PIK3R4: variants seen among roughly 807,000 people sequenced by gnomAD.
PIK3R4 encodes the protein phosphoinositide 3-kinase regulatory subunit 4.
PIK3R4 carries 46 observed loss-of-function variants against 136.5 expected under a neutral mutation model. That is an observed-to-expected ratio of 0.34 (90% confidence interval 0.27 to 0.43). The LOEUF is 0.43. Ranked by LOEUF, PIK3R4 falls within the 20% of genes least tolerant of loss-of-function variation. The probability of loss-of-function intolerance (pLI) is 1.00; values close to 1 mark genes in which losing one functional copy is unlikely to be tolerated. For synonymous variants in PIK3R4, 557 were observed against 566.7 expected, an observed-to-expected ratio of 0.98 and a Z score of 0.24; for missense variants, 1,331 against 1,649.5, an observed-to-expected ratio of 0.81 and a Z score of 3.35.
At chr3:130,685,630 G>C (rs1357020960) in intron 15 of PIK3R4, among the ~76,000 whole-genome samples, 2 of 152,172 alleles carry the variant, frequency 1.3e-5, no homozygotes, top group Non-Finnish European at 2.9e-5. Context: ...TTAAAATCCT[G>C]CTTAAGCAAG....
Position 130,730,380 on chromosome 3 carries a change from G to T in PIK3R4, c.1513C>A (p.Leu505Ile). ...TTATTGGGGTCATTTTCCATATTAA[G>T]ATTTTTTAACTGTACTAATTCCAGG... is the stretch of plus-strand genomic sequence containing the variant. The part of the protein sequence containing the change: ...RFLELVQLKN[L>I]NMENDPNNEE... The change falls in exon 5 of 20, where the codon CTT (leucine) becomes ATT (isoleucine). Residue 505 changes from leucine (L) to isoleucine (I), a missense_variant. Physicochemically the swap from Leu to Ile is conservative, Grantham distance 5. Coordinates refer to ENST00000356763, the MANE Select transcript of PIK3R4 (RefSeq NM_014602.3). 6.2e-7 allele frequency: 1 copy of T among 1,601,146 alleles called. No homozygotes were observed. Among genetic ancestry groups the T allele is most frequent in the South Asian group, 1.1e-5 (1 of 89,202 alleles).
chr3:130,688,398 A>G lies in PIK3R4; in HGVS notation c.3264-1976T>C, dbSNP rs561062219. 2.0e-5 allele frequency among the ~76,000 whole-genome samples: 3 copies of G among 152,264 alleles called. No homozygotes were observed. The East Asian group carries it at 5.8e-4, about 29-fold the overall frequency. ...AATTCAAAAACTGTTTTCCAAAGTT[A>G]CTCCTTTATTCGCCATGCCCTTCAA... is the stretch of plus-strand genomic sequence containing the variant. On this transcript the variant is annotated intron_variant, in intron 14 of 19. Transcript: ENST00000356763.
rs1284514111 is a variant in PIK3R4, at chr3:130,745,120, C to A, written c.99G>T (p.Gly33=). 3 of 1,613,616 alleles carry A rather than the reference C, an allele frequency of 1.9e-6. No homozygotes were observed. Among genetic ancestry groups the A allele is most frequent in the Non-Finnish European group, 2.5e-6 (3 of 1,180,000 alleles). Residue 33 remains glycine (G), a synonymous_variant, in exon 2 of 20, where the codon GGG becomes GGT. Coordinates refer to ENST00000356763, the MANE Select transcript of PIK3R4 (RefSeq NM_014602.3). ...IHDFEYDKSL[G]STRFFKVARA... ...GAGCAACTTTAAAAAACCGAGTACT[C>A]CCCAGGCTTTTATCATATTCAAAGT... is the stretch of plus-strand genomic sequence containing the variant.
chr3:130,743,295 T>G (rs1392647914), intron 2 of PIK3R4, among the ~76,000 whole-genome samples: 1 of 151,008 alleles, frequency 6.6e-6, no homozygotes, highest in African/African-American at 2.4e-5. Context: ...GGTGCACGCC[T>G]GCAGTCCCGG....
intron 3 of PIK3R4, 144 bp downstream of exon 3, chr3:130,735,725 G>C (rs1203991451): frequency 1.7e-6 from 1 of 603,970 alleles, no homozygotes; most frequent in Admixed American, 3.6e-5. Flanking sequence ...CCCTAACAAA[G>C]TAATAACAAA....
chr3:130,708,078 G>A (rs568321354), intron 10 of PIK3R4, among the ~76,000 whole-genome samples: 1 of 152,254 alleles, frequency 6.6e-6, no homozygotes, highest in South Asian at 2.1e-4. Context: ...GTCACATACA[G>A]AGCTGTGATT....
At chr3:130,742,034 A>G (rs1576465493) in intron 2 of PIK3R4, among the ~76,000 whole-genome samples, 1 of 152,204 alleles carries the variant, frequency 6.6e-6, no homozygotes, top group East Asian at 1.9e-4. Context: ...GACCTGCTTT[A>G]CACTGTTTCA....
Position 130,716,532 on chromosome 3 carries a change from G to A in PIK3R4, c.2195C>T (p.Ala732Val). ...GCTAGTAATATCTTTAGACCTCAAA[G>A]CATAATCAAATATAGAACGACTTAC... is the stretch of plus-strand genomic sequence containing the variant. ...EPVSRSIFDY[A>V]LRSKDITSLF... The change falls in exon 9 of 20, where the codon GCT becomes GTT. Residue 732 changes from alanine to valine, a missense_variant. Physicochemically the swap from Ala to Val is moderately conservative, Grantham distance 64. Transcript: ENST00000356763. The A allele has an allele frequency of 4.3e-6, 7 of 1,613,712 alleles. No individual in the cohort carries two copies. Among genetic ancestry groups the A allele is most frequent in the Non-Finnish European group, 5.9e-6 (7 of 1,179,650 alleles).
intron 19 of PIK3R4, among the ~76,000 whole-genome samples, chr3:130,679,919 T>A (rs549017712): frequency 6.6e-6 from 1 of 151,944 alleles, no homozygotes; most frequent in African/African-American, 2.4e-5. Context: ...CTACTAAAAA[T>A]ACAAAAATTA....
At position 130,723,489 on chromosome 3, in the gene PIK3R4, G is replaced by C; in HGVS notation, c.1906C>G (p.Leu636Val). ...DAEEFVIVKA[L>V]YALTCMCQLG... ...TGGCACATACAAGTAAGGGCATAAA[G>C]AGCTTTCACAATGACAAATTCCTCA... The change falls in exon 7 of 20, where the codon CTT becomes GTT. Residue 636 changes from leucine to valine, a missense_variant. By Grantham distance (32) the Leu-to-Val change is conservative. Coordinates refer to ENST00000356763, the MANE Select transcript of PIK3R4 (RefSeq NM_014602.3). 1 of 1,614,054 alleles carries C rather than the reference G, an allele frequency of 6.2e-7. No individual in the cohort carries two copies. Among genetic ancestry groups the C allele is most frequent in the Non-Finnish European group, 8.5e-7 (1 of 1,179,984 alleles).
At chr3:130,679,532 C>A (rs1221555834) in intron 19 of PIK3R4, 47 bp from the exon 20 acceptor site, 2 of 1,375,914 alleles carry the variant, frequency 1.5e-6, no homozygotes, top group Non-Finnish European at 2.0e-6. Context: ...AAAGTCTGTA[C>A]CACATTTTTC....
intron 13 of PIK3R4, among the ~76,000 whole-genome samples, chr3:130,697,086 T>C (rs2066550179): frequency 8.1e-6 from 1 of 124,008 alleles, no homozygotes; most frequent in Admixed American, 9.5e-5. Flanking sequence ...TTTTTTTTTT[T>C]TTGAGACGGA....
chr3:130,686,145 A>G (rs1484261526), intron 15 of PIK3R4, 66 bp downstream of exon 15: 2 of 967,692 alleles, frequency 2.1e-6, no homozygotes, highest in African/African-American at 3.2e-5. Flanking sequence ...AACTGATTTC[A>G]CAAGACAGCA....
At chr3:130,722,593 A>T (rs1242369091) in intron 7 of PIK3R4, among the ~76,000 whole-genome samples, 1 of 152,148 alleles carries the variant, frequency 6.6e-6, no homozygotes, top group African/African-American at 2.4e-5. Context: ...GTATTATGTG[A>T]AATTATAATA....
At chr3:130,731,512 T>C (rs1262324090) in intron 4 of PIK3R4, among the ~76,000 whole-genome samples, 1 of 152,128 alleles carries the variant, frequency 6.6e-6, no homozygotes, top group African/African-American at 2.4e-5. Context: ...GCCCTAAAAA[T>C]GGAAAAACTC....
At chr3:130,702,055 T>C (rs1283869435) in intron 13 of PIK3R4, among the ~76,000 whole-genome samples, 1 of 151,954 alleles carries the variant, frequency 6.6e-6, no homozygotes, top group Non-Finnish European at 1.5e-5. Flanking sequence ...GCGGGAGGAT[T>C]GCTTGAAACC....
chr3:130,705,074 G>A (rs748017530), intron 12 of PIK3R4, among the ~76,000 whole-genome samples: 28 of 152,076 alleles, frequency 1.8e-4, no homozygotes, highest in African/African-American at 4.1e-4. Context: ...CAAGTGATCC[G>A]TCCACCTCAG....
At position 130,744,747 on chromosome 3, in the gene PIK3R4, T is replaced by C; in HGVS notation, c.472A>G (p.Ser158Gly). 1 of 1,614,264 alleles carries C rather than the reference T, an allele frequency of 6.2e-7. No individual in the cohort carries two copies. The highest frequency in any genetic ancestry group is 8.5e-7 in the Non-Finnish European group (1 of 1,180,054). The change falls in exon 2 of 20, where the codon AGT (serine) becomes GGT (glycine). Residue 158 changes from serine (S) to glycine (G), a missense_variant. By Grantham distance (56) the Ser-to-Gly change is moderately conservative (BLOSUM62 0). Coordinates refer to ENST00000356763, the MANE Select transcript of PIK3R4 (RefSeq NM_014602.3). ...DIKTENVMVTSWNWVLLTDFA... is the reference protein window; with the variant it reads ...DIKTENVMVTGWNWVLLTDFA... ...TCAGTTAGAAGAACCCAATTCCAAC[T>C]GGTGACCATCACATTCTCAGTCTTG...
At chr3:130,728,031 T>C (rs1269556794) in intron 6 of PIK3R4, among the ~76,000 whole-genome samples, 3 of 152,146 alleles carry the variant, frequency 2.0e-5, no homozygotes, top group Admixed American at 1.3e-4. Flanking sequence ...TTTTCAACCA[T>C]GATTATATTT....
Sources: gnomAD v4.1 joint callset for allele counts (sites outside exome capture counted in the v4.1 genomes callset) on GRCh38, gnomAD v4.1.1 for gene constraint, MANE v1.5 for transcripts, NCBI Gene and HGNC (gene_info 2026-07-23, HGNC 2026-07-21) for gene names.